Variants in FGF12 observed in about 807,000 individuals in gnomAD.
FGF12 encodes fibroblast growth factor 12B.
In FGF12, 14 loss-of-function variants were observed where a neutral mutation model predicts 23.6. The observed-to-expected ratio is 0.59, with a 90% CI of 0.39 to 0.93. The LOEUF (loss-of-function observed/expected upper bound fraction) is 0.93, where lower values mean the gene tolerates loss of function less well. Among genes scored for constraint, FGF12 ranks in the 40% least tolerant of loss-of-function variants. The probability of loss-of-function intolerance (pLI) is 0.00; values close to 1 mark genes in which losing one functional copy is unlikely to be tolerated. For missense variants in FGF12, 175 were observed against 217.8 expected (o/e 0.80, Z 1.24); for synonymous variants, 62 against 77.3 (o/e 0.80, Z 1.04).
intron 2 of FGF12, among the ~76,000 whole-genome samples, chr3:192,629,213 T>G (rs1715296018): frequency 6.6e-6 from 1 of 152,202 alleles, no homozygotes; most frequent in South Asian, 2.1e-4. Context: ...CAAGGTAACA[T>G]GTGGGCCCTA....
At chr3:192,435,444 C>T (rs377385643) in intron 2 of FGF12, among the ~76,000 whole-genome samples, 5 of 152,140 alleles carry the variant, frequency 3.3e-5, no homozygotes, top group East Asian at 3.9e-4. Flanking sequence ...CCCAGGACTG[C>T]TCACTGTGAT....
At chr3:192,340,845 C>T (rs1184735372) in intron 3 of FGF12, among the ~76,000 whole-genome samples, 1 of 152,066 alleles carries the variant, frequency 6.6e-6, no homozygotes, top group Admixed American at 6.6e-5. Flanking sequence ...AGACCTAAAA[C>T]TGTAAAACCC....
chr3:192,257,986 T>C (rs766476329), intron 4 of FGF12, among the ~76,000 whole-genome samples: 16 of 148,260 alleles, frequency 1.1e-4, no homozygotes, highest in African/African-American at 4.0e-4. Flanking sequence ...TCAGAACCAG[T>C]GAAGCTTGCA....
At chr3:192,652,248 C>A (rs1407103029) in intron 2 of FGF12, among the ~76,000 whole-genome samples, 1 of 152,176 alleles carries the variant, frequency 6.6e-6, no homozygotes, top group Admixed American at 6.5e-5. Flanking sequence ...TCATGAGAAT[C>A]AGAGACAGCC....
intron 2 of FGF12, among the ~76,000 whole-genome samples, chr3:192,546,648 T>C (rs1725502054): frequency 1.3e-5 from 2 of 152,032 alleles, no homozygotes; most frequent in African/African-American, 2.4e-5. Flanking sequence ...CCAATGTATT[T>C]CTAGAGACCA....
At chr3:192,398,099 G>C (rs1678037393) in intron 2 of FGF12, among the ~76,000 whole-genome samples, 1 of 151,968 alleles carries the variant, frequency 6.6e-6, no homozygotes, top group Non-Finnish European at 1.5e-5. Flanking sequence ...ACAGCACACT[G>C]ATTTAATTTC....
intron 2 of FGF12, among the ~76,000 whole-genome samples, chr3:192,571,726 A>G (rs1260119651): frequency 6.6e-6 from 1 of 152,182 alleles, no homozygotes; most frequent in East Asian, 1.9e-4. Context: ...CAAACGCCAA[A>G]GCAGCAACGC....
rs114433694 is a variant in FGF12, at chr3:192,156,163, T to A, written c.428-12036A>T. Among the ~76,000 whole-genome samples the A allele has an allele frequency of 4.3e-3, 661 of 152,320 alleles. 4 individuals carry two copies. The highest frequency in any genetic ancestry group is 0.015 in the African/African-American group (644 of 41,550). On this transcript the variant is annotated intron_variant, in intron 5 of 5. Coordinates refer to ENST00000445105, the MANE Select transcript of FGF12 (RefSeq NM_004113.6). ...GAACAAAATTTGATATTTTAGTTCT[T>A]ATGATAAGCAGTAATTTCTAGACTG...
chr3:192,548,905 C>A (rs1013117894), intron 2 of FGF12, among the ~76,000 whole-genome samples: 1 of 152,082 alleles, frequency 6.6e-6, no homozygotes, highest in Non-Finnish European at 1.5e-5. Context: ...TAATTCATTG[C>A]AATATAACCC....
intron 2 of FGF12, among the ~76,000 whole-genome samples, chr3:192,588,430 G>A (rs11926624): frequency 0.26 from 39,454 of 148,994 alleles, 5,950 homozygotes; most frequent in East Asian, 0.53. Context: ...AAACAGTAAT[G>A]ATGTTAGGAA....
At position 192,533,326 on chromosome 3, in the gene FGF12, G is replaced by A. The variant is rs139208423; in HGVS notation, c.14-172788C>T. On this transcript the variant is annotated intron_variant, in intron 2 of 5. Coordinates refer to ENST00000445105, the MANE Select transcript of FGF12 (RefSeq NM_004113.6). ...AAACAGCTGGGGCCGAGTGAGTTTT[G>A]TAATTCAGGTTTTTGGGGAACAAGG... Among the ~76,000 whole-genome samples the A allele has an allele frequency of 4.6e-5, 7 of 152,250 alleles. No individual in the cohort carries two copies. In the East Asian group the frequency reaches 9.6e-4, roughly 21 times the overall value.
intron 4 of FGF12, among the ~76,000 whole-genome samples, chr3:192,239,786 T>A (rs928842365): frequency 6.6e-6 from 1 of 152,124 alleles, no homozygotes; most frequent in Non-Finnish European, 1.5e-5. Flanking sequence ...TGTGGAAAAA[T>A]TGCGTTCCAA....
intron 2 of FGF12, among the ~76,000 whole-genome samples, chr3:192,542,972 G>C (rs1158354756): frequency 6.6e-6 from 1 of 152,018 alleles, no homozygotes; most frequent in Non-Finnish European, 1.5e-5. Context: ...TATGGTACTG[G>C]GGTCTCACCC....
At chr3:192,384,565 A>G (rs555344694) in intron 2 of FGF12, among the ~76,000 whole-genome samples, 3 of 152,318 alleles carry the variant, frequency 2.0e-5, no homozygotes, top group African/African-American at 7.2e-5. Flanking sequence ...GGAGCTCCCA[A>G]ATGTGATGAC....
In FGF12 at chr3:192,336,913, G is replaced by A. The variant is rs1427467969; in HGVS notation, c.125-1449C>T. Among the ~76,000 whole-genome samples, 7 of 152,222 alleles carry A rather than the reference G, an allele frequency of 4.6e-5. 1 individual carries two copies. The South Asian group carries it at 6.2e-4, about 14-fold the overall frequency. Reference sequence around the variant, plus strand: ...GAACAGGATTCCATTCTTAGCTGTCGACATCGGATCAGTCCTTTTGCCTCT... The same window carrying A: ...GAACAGGATTCCATTCTTAGCTGTCAACATCGGATCAGTCCTTTTGCCTCT... On this transcript the variant is annotated intron_variant, in intron 3 of 5. Coordinates refer to ENST00000445105, the MANE Select transcript of FGF12 (RefSeq NM_004113.6). This position sits in a 1 kb window ranked among gnomAD's most constrained non-coding sequence, Gnocchi z 4.3.
intron 3 of FGF12, among the ~76,000 whole-genome samples, chr3:192,346,237 G>T (rs1222685168): frequency 6.6e-6 from 1 of 152,064 alleles, no homozygotes; most frequent in Non-Finnish European, 1.5e-5. Flanking sequence ...TCCCTTAAGT[G>T]TCAGTTAAGA....
At chr3:192,393,783 T>A (rs1362707960) in intron 2 of FGF12, among the ~76,000 whole-genome samples, 1 of 152,212 alleles carries the variant, frequency 6.6e-6, no homozygotes, top group African/African-American at 2.4e-5. Context: ...CTAATGAGCA[T>A]AAATTAATTT....
intron 2 of FGF12, among the ~76,000 whole-genome samples, chr3:192,719,613 T>C (rs1385910027): frequency 2.6e-5 from 4 of 151,906 alleles, no homozygotes; most frequent in African/African-American, 9.7e-5. Context: ...GCTAGAAATG[T>C]TGAACATGTT....
chr3:192,698,264 T>C (rs929800419), intron 2 of FGF12, among the ~76,000 whole-genome samples: 1 of 152,230 alleles, frequency 6.6e-6, no homozygotes, highest in South Asian at 2.1e-4. Flanking sequence ...ATCAAAACTA[T>C]ATACTATATA....
Sources: gnomAD v4.1 joint callset for allele counts (sites outside exome capture counted in the v4.1 genomes callset) on GRCh38, gnomAD v4.1.1 for gene constraint, Gnocchi (gnomAD v3.1) non-coding constraint, MANE v1.5 for transcripts, NCBI Gene and HGNC (gene_info 2026-07-23, HGNC 2026-07-21) for gene names.